The following SRCIN1 variants were observed in gnomAD, a reference collection of about 807,000 sequenced individuals.
SRCIN1 encodes SRC kinase signaling inhibitor 1.
A neutral mutation model predicts 116.2 loss-of-function variants in SRCIN1; 50 were observed. The ratio of observed to expected loss-of-function variants is 0.43; its 90% CI spans 0.34 to 0.54. The LOEUF is 0.54. Ranked by LOEUF, SRCIN1 falls within the 20% of genes least tolerant of loss-of-function variation. The pLI is 0.02. For missense variants in SRCIN1, 1,446 were observed against 1,672.0 expected, an observed-to-expected ratio of 0.86 and a Z score of 2.36; for synonymous variants, 736 against 750.0, an observed-to-expected ratio of 0.98 and a Z score of 0.30.
intron 1 of SRCIN1, among the ~76,000 whole-genome samples, chr17:38,581,334 A>T (rs895970781): frequency 3.3e-5 from 5 of 150,934 alleles, no homozygotes; most frequent in Non-Finnish European, 7.4e-5. Flanking sequence ...TGAACCCGGG[A>T]GGCAGAGGTT....
At position 38,568,266 on chromosome 17, in the gene SRCIN1, G is replaced by T. The variant is rs1341051498; in HGVS notation, c.325-35C>A. On this transcript the variant is annotated intron_variant, in intron 2 of 18. Transcript: ENST00000617146. This position sits in a 1 kb window ranked among gnomAD's most constrained non-coding sequence, Gnocchi z 4.5. The stretch of plus-strand genomic sequence containing the variant: ...GAAATAAGAGAAGAGATGGTTATGA[G>T]GGGGCCCAGGAGGGGAAAAGAGGGG... 21 of 1,610,002 alleles carry T rather than the reference G, an allele frequency of 1.3e-5. No individual in the cohort carries two copies. Among genetic ancestry groups the T allele is most frequent in the Non-Finnish European group, 1.7e-5 (20 of 1,178,162 alleles).
At position 38,578,532 on chromosome 17, in the gene SRCIN1, G is replaced by T. The variant is rs988338505; in HGVS notation, c.282C>A (p.His94Gln). The change falls in exon 2 of 19, where the codon CAC becomes CAA. Residue 94 changes from histidine to glutamine, a missense_variant. Coordinates refer to ENST00000617146, the MANE Select transcript of SRCIN1 (RefSeq NM_025248.3). ...MDHLKSKYPQHALALRGQQDR... is the reference protein window; with the variant it reads ...MDHLKSKYPQQALALRGQQDR... Reference sequence around the variant, plus strand: ...CCTGCTGGCCTCGCAGGGCCAGGGCGTGCTGTGGGTACTTGCTCTTCAGGT... The same window carrying T: ...CCTGCTGGCCTCGCAGGGCCAGGGCTTGCTGTGGGTACTTGCTCTTCAGGT... 3 of 1,598,144 alleles carry T rather than the reference G, an allele frequency of 1.9e-6. No homozygotes were observed. Among genetic ancestry groups the T allele is most frequent in the Non-Finnish European group, 2.6e-6 (3 of 1,167,262 alleles).
At chr17:38,551,807 C>G (rs1267086404) in intron 14 of SRCIN1, 79 bp downstream of exon 14, 31 of 1,602,780 alleles carry the variant, frequency 1.9e-5, no homozygotes, top group Middle Eastern at 3.3e-4. Flanking sequence ...AGGATTGGCA[C>G]TCCCCACTCT....
chr17:38,547,848 G>T (rs745714175), intron 17 of SRCIN1: 45 of 209,874 alleles, frequency 2.1e-4, no homozygotes, highest in South Asian at 6.2e-4. Context: ...CGGGGCGTGG[G>T]GGGGAGGGAA....
chr17:38,598,330 G>T (rs1333080261), intron 1 of SRCIN1, among the ~76,000 whole-genome samples: 2 of 152,290 alleles, frequency 1.3e-5, no homozygotes, highest in East Asian at 3.9e-4. Flanking sequence ...ACGAGCTGGG[G>T]TCATTCATTC....
At chr17:38,584,544 G>C (rs796833897) in intron 1 of SRCIN1, among the ~76,000 whole-genome samples, 55 of 152,364 alleles carry the variant, frequency 3.6e-4, no homozygotes, top group African/African-American at 1.3e-3. Context: ...CCAGTGGCCG[G>C]CTAGGAGGAC....
intron 15 of SRCIN1, among the ~76,000 whole-genome samples, chr17:38,550,952 G>A (rs1905354614): frequency 6.6e-6 from 1 of 152,254 alleles, no homozygotes; most frequent in Admixed American, 6.5e-5. Context: ...AGGACAGTGG[G>A]AAATGCCGGG....
At chr17:38,592,833 G>C (rs544046855) in intron 1 of SRCIN1, among the ~76,000 whole-genome samples, 2 of 151,716 alleles carry the variant, frequency 1.3e-5, no homozygotes, top group Admixed American at 6.6e-5. Flanking sequence ...TGTTGGGGGG[G>C]TTGGGGGGCT....
chr17:38,533,071 A>G lies in SRCIN1; in HGVS notation c.*226T>C. 2.4e-6 allele frequency: 1 copy of G among 415,064 alleles called. No homozygotes were observed. The highest frequency in any genetic ancestry group is 4.0e-6 in the Non-Finnish European group (1 of 247,002). The allele number at this position is 415,064 out of a possible 1,614,324, so 25.7% of individuals were successfully genotyped here. A position where few individuals can be genotyped will look rare whatever the true frequency, so the allele number is the denominator to read the frequency against. On this transcript the variant is annotated 3_prime_UTR_variant, in exon 19 of 19. Coordinates refer to ENST00000617146, the MANE Select transcript of SRCIN1 (RefSeq NM_025248.3). ...TTGGTTTTTAGTTTTACTGTTTAAA[A>G]AAAGATAATTAAAAGTTAATTGTTA...
At chr17:38,543,675 TG>T in intron 18 of SRCIN1, 147 bp downstream of exon 18, 1 of 1,129,290 alleles carries the variant, frequency 8.9e-7, no homozygotes, top group Non-Finnish European at 1.2e-6. Flanking sequence ...GTTCAGGGGG[TG>T]GGTGGGGCAG....
At chr17:38,606,799 C>T (rs1597948196), upstream of SRCIN1, among the ~76,000 whole-genome samples, 1 of 152,284 alleles carries the variant, frequency 6.6e-6, no homozygotes, top group South Asian at 2.1e-4. The surrounding 1 kb of genome is among the most constrained non-coding windows in gnomAD (Gnocchi z 5.2). Flanking sequence ...TGACCCGGAC[C>T]CAGACCCAGA....
In SRCIN1 at chr17:38,578,555, G is replaced by C; in HGVS notation, c.259C>G (p.Leu87Val). The change falls in exon 2 of 19, where the codon CTG becomes GTG. Residue 87 changes from leucine to valine, a missense_variant. Transcript: ENST00000617146. ...DRKRDAFMDHLKSKYPQHALA... is the reference protein window; with the variant it reads ...DRKRDAFMDHVKSKYPQHALA... ...GCGTGCTGTGGGTACTTGCTCTTCA[G>C]GTGGTCCATGAAGGCATCACGCTTG... 6.2e-7 allele frequency: 1 copy of C among 1,607,464 alleles called. No homozygotes were observed. The highest frequency in any genetic ancestry group is 8.5e-7 in the Non-Finnish European group (1 of 1,174,936).
chr17:38,576,456 C>T (rs952930283), intron 2 of SRCIN1, among the ~76,000 whole-genome samples: 1 of 152,020 alleles, frequency 6.6e-6, no homozygotes, highest in Non-Finnish European at 1.5e-5. Flanking sequence ...TCCTGGTCCC[C>T]TTTCCCCAAA....
intron 1 of SRCIN1, among the ~76,000 whole-genome samples, chr17:38,598,900 G>T (rs1908866289): frequency 6.6e-6 from 1 of 152,184 alleles, no homozygotes; most frequent in Non-Finnish European, 1.5e-5. Context: ...GAATCCTCTA[G>T]CCACTCCCTT....
chr17:38,544,591 G>A lies in SRCIN1; in HGVS notation c.3271-622C>T, dbSNP rs1203622356. On this transcript the variant is annotated intron_variant, in intron 17 of 18. Transcript: ENST00000617146. The surrounding 1 kb of genome is among the most constrained non-coding windows in gnomAD (Gnocchi z 4.5). Reference sequence around the variant, plus strand: ...GGAGCATGGGGATGGAAGGTGGGGAGAGAACTTTATTTGTTGGTTTACAGA... The same window carrying A: ...GGAGCATGGGGATGGAAGGTGGGGAAAGAACTTTATTTGTTGGTTTACAGA... 6.6e-6 allele frequency: 1 copy of A among 152,278 alleles called. No homozygotes were observed. The highest frequency in any genetic ancestry group is 1.5e-5 in the Non-Finnish European group (1 of 68,094). The allele number at this position is 152,278 out of a possible 1,614,324, so 9.4% of individuals were successfully genotyped here.
At chr17:38,543,644 G>A (rs537244094) in intron 18 of SRCIN1, among the ~76,000 whole-genome samples, 179 bp downstream of exon 18, 4 of 152,322 alleles carry the variant, frequency 2.6e-5, no homozygotes, top group South Asian at 4.1e-4. Flanking sequence ...CTCCGGGATC[G>A]GGAGGAGGAG....
chr17:38,538,313 A>C (rs1904515360), intron 18 of SRCIN1, among the ~76,000 whole-genome samples: 1 of 148,548 alleles, frequency 6.7e-6, no homozygotes, highest in Admixed American at 6.7e-5. Flanking sequence ...GCTACTAGGG[A>C]GGCTGAGGCA....
intron 1 of SRCIN1, among the ~76,000 whole-genome samples, chr17:38,590,973 G>T (rs1484842416): frequency 6.6e-6 from 1 of 152,220 alleles, no homozygotes; most frequent in Non-Finnish European, 1.5e-5. Context: ...TATTCCCCAG[G>T]GCTGGAGGAG....
At position 38,564,030 on chromosome 17, in the gene SRCIN1, G is replaced by C. The variant is rs1906484616; in HGVS notation, c.541+88C>G. ...AGAGCAGAGCTTGAGGCGAGCTGGC[G>C]TGCTGTAGGGGAGGAGGGGGCTCCA... is the stretch of plus-strand genomic sequence containing the variant. On this transcript the variant is annotated intron_variant, in intron 4 of 18. Transcript: ENST00000617146. 3.5e-6 allele frequency: 5 copies of C among 1,429,232 alleles called. No individual in the cohort carries two copies. The South Asian group carries it at 5.0e-5, about 14-fold the overall frequency. 88.5% of individuals were successfully genotyped at this position (1,429,232 alleles called of 1,614,324 possible). A position where few individuals can be genotyped will look rare whatever the true frequency, so the allele number is the denominator to read the frequency against.
Sources: allele counts gnomAD v4.1 joint callset (sites outside exome capture counted in the v4.1 genomes callset), GRCh38; gene constraint gnomAD v4.1.1; non-coding constraint Gnocchi (gnomAD v3.1); transcripts MANE v1.5; gene names NCBI Gene and HGNC (gene_info 2026-07-23, HGNC 2026-07-21).